The following KCNQ3 variants were observed in gnomAD, a reference collection of about 807,000 sequenced individuals.
KCNQ3 encodes potassium voltage-gated channel subfamily KQT member 3.
In KCNQ3, 30 loss-of-function variants were observed where a neutral mutation model predicts 92.5. The observed-to-expected ratio is 0.32, with a 90% CI of 0.24 to 0.44. KCNQ3 has a LOEUF of 0.44. Ranked by LOEUF, KCNQ3 falls within the 20% of genes least tolerant of loss-of-function variation. The pLI is 1.00. For missense variants in KCNQ3, 913 were observed against 1,140.3 expected, an observed-to-expected ratio of 0.80 and a Z score of 2.87; for synonymous variants, 450 against 468.8, an observed-to-expected ratio of 0.96 and a Z score of 0.52.
chr8:132,453,333 A>C (rs1266787159), intron 1 of KCNQ3, among the ~76,000 whole-genome samples: 1 of 152,182 alleles, frequency 6.6e-6, no homozygotes, highest in Admixed American at 6.5e-5. Context: ...CTCTGGAAAA[A>C]GACAACTCTG....
chr8:132,469,431 C>T (rs1822250098), intron 1 of KCNQ3, among the ~76,000 whole-genome samples: 1 of 152,202 alleles, frequency 6.6e-6, no homozygotes, highest in South Asian at 2.1e-4. Context: ...GCCCATTTTG[C>T]AGACTGTATG....
At chr8:132,346,927 GTA>G (rs1818705226) in intron 1 of KCNQ3, among the ~76,000 whole-genome samples, 1 of 152,232 alleles carries the variant, frequency 6.6e-6, no homozygotes, top group Admixed American at 6.5e-5. Context: ...GGAGAATATA[GTA>G]TAGACTAGGC....
chr8:132,454,087 C>T (rs116756797), intron 1 of KCNQ3, among the ~76,000 whole-genome samples: 4,361 of 152,320 alleles, frequency 0.029, 218 homozygotes, highest in African/African-American at 0.1. Context: ...CTCTTACTTG[C>T]AAGAGAACCA....
At chr8:132,206,719 A>T (rs1268823449) in intron 1 of KCNQ3, among the ~76,000 whole-genome samples, 1 of 151,990 alleles carries the variant, frequency 6.6e-6, no homozygotes, top group East Asian at 1.9e-4. Context: ...GATTTTATTT[A>T]TCTGCATCTT....
At chr8:132,181,180 T>C (rs1168561169) in intron 3 of KCNQ3, among the ~76,000 whole-genome samples, 1 of 152,172 alleles carries the variant, frequency 6.6e-6, no homozygotes. Context: ...ACTTCTGAGA[T>C]GGTTAAGCAG....
intron 9 of KCNQ3, among the ~76,000 whole-genome samples, chr8:132,153,274 A>C (rs1825693045): frequency 6.6e-6 from 1 of 152,190 alleles, no homozygotes; most frequent in South Asian, 2.1e-4. Context: ...CTTTTTGGGA[A>C]AGTAAGACCA....
chr8:132,190,054 G>A (rs556113421), intron 1 of KCNQ3, among the ~76,000 whole-genome samples: 5 of 152,054 alleles, frequency 3.3e-5, no homozygotes, highest in Non-Finnish European at 5.9e-5. Context: ...AGTTGGCATC[G>A]ATCCTGGCGC....
intron 1 of KCNQ3, among the ~76,000 whole-genome samples, chr8:132,283,092 C>CTCGTGTGTGTGT (rs1355042079): frequency 7.7e-6 from 1 of 130,608 alleles, no homozygotes; most frequent in Admixed American, 7.6e-5. Flanking sequence ...CTCTCTCTCT[C>CTCGTGTGTGTGT]GTGTGTGTGT....
At chr8:132,376,889 T>C (rs1052087139) in intron 1 of KCNQ3, among the ~76,000 whole-genome samples, 7 of 152,022 alleles carry the variant, frequency 4.6e-5, no homozygotes, top group African/African-American at 9.7e-5. Flanking sequence ...CCCTCCACCA[T>C]GCAACTGCCA....
chr8:132,378,927 C>CT (rs1332983207), intron 1 of KCNQ3, among the ~76,000 whole-genome samples: 1 of 152,190 alleles, frequency 6.6e-6, no homozygotes, highest in Non-Finnish European at 1.5e-5. Context: ...TAGCAGCCAT[C>CT]TTTTAAATAT....
At position 132,187,303 on chromosome 8, in the gene KCNQ3, G is replaced by A. The variant is rs1563795183; in HGVS notation, c.387-1122C>T. 16 of 455,226 alleles carry A rather than the reference G, an allele frequency of 3.5e-5. 1 individual carries two copies. The highest frequency in any genetic ancestry group is 2.3e-4 in the South Asian group (15 of 64,418). The allele number at this position is 455,226 out of a possible 1,614,324, so 28.2% of individuals were successfully genotyped here. On this transcript the variant is annotated intron_variant, in intron 1 of 14. Transcript: ENST00000388996. ...ATGAATAGGCTGGATCTGTCCTCAC[G>A]AGCTCACAGTCCAGATAAACAGAAA...
intron 1 of KCNQ3, among the ~76,000 whole-genome samples, chr8:132,419,866 A>G (rs967192341): frequency 2.0e-5 from 3 of 152,240 alleles, no homozygotes; most frequent in African/African-American, 7.2e-5. Context: ...GAAAACCTGC[A>G]TTCTTCCAAA....
chr8:132,414,882 T>G (rs565862529), intron 1 of KCNQ3, among the ~76,000 whole-genome samples: 2 of 152,248 alleles, frequency 1.3e-5, no homozygotes, highest in African/African-American at 4.8e-5. Flanking sequence ...AGAGGAGTGA[T>G]AAATAATGAA....
At chr8:132,144,109 A>G (rs1825381017) in intron 9 of KCNQ3, among the ~76,000 whole-genome samples, 1 of 152,224 alleles carries the variant, frequency 6.6e-6, no homozygotes, top group Non-Finnish European at 1.5e-5. Flanking sequence ...CTTGTTAGAT[A>G]TTTAAATGCT....
chr8:132,459,731 T>C (rs1822020316), intron 1 of KCNQ3, among the ~76,000 whole-genome samples: 1 of 151,302 alleles, frequency 6.6e-6, no homozygotes, highest in African/African-American at 2.4e-5. Context: ...AGTTTTCTTT[T>C]TCTTGTTTTT....
chr8:132,272,165 G>A (rs1816169373), intron 1 of KCNQ3, among the ~76,000 whole-genome samples: 1 of 152,230 alleles, frequency 6.6e-6, no homozygotes, highest in Admixed American at 6.5e-5. Flanking sequence ...GTAAAATGGA[G>A]AGAATAACAT....
At chr8:132,176,478 A>G (rs1415287960) in intron 4 of KCNQ3, among the ~76,000 whole-genome samples, 5 of 152,348 alleles carry the variant, frequency 3.3e-5, no homozygotes, top group African/African-American at 1.2e-4. Flanking sequence ...GGTGAACACA[A>G]TCTGGAGATT....
At chr8:132,130,918 C>T (rs1338147608) in intron 14 of KCNQ3, among the ~76,000 whole-genome samples, 3 of 152,172 alleles carry the variant, frequency 2.0e-5, no homozygotes, top group Non-Finnish European at 2.9e-5. Context: ...GAAACACTGT[C>T]GTCAGGTGTA....
chr8:132,173,487 C>G (rs1826449302), intron 6 of KCNQ3, among the ~76,000 whole-genome samples: 2 of 151,866 alleles, frequency 1.3e-5, no homozygotes, highest in South Asian at 4.2e-4. Flanking sequence ...GTTTTAGAAC[C>G]AGTGGACTTG....
Sources: allele counts gnomAD v4.1 joint callset (sites outside exome capture counted in the v4.1 genomes callset), GRCh38; gene constraint gnomAD v4.1.1; transcripts MANE v1.5; gene names NCBI Gene and HGNC (gene_info 2026-07-23, HGNC 2026-07-21).